TECRL: variants seen among roughly 807,000 people sequenced by gnomAD.
The protein encoded by TECRL is trans-2,3-enoyl-CoA reductase like, also known as trans-2,3-enoyl-CoA reductase-like.
TECRL carries 63 observed loss-of-function variants against 52.8 expected under a neutral mutation model. The ratio of observed to expected loss-of-function variants is 1.19; its 90% CI spans 0.97 to 1.47. The LOEUF is 1.47. Ranked by LOEUF, TECRL falls within the 40% of genes most tolerant of loss-of-function variation. TECRL has a pLI of 0.00. For missense variants in TECRL, 482 were observed against 429.6 expected, an observed-to-expected ratio of 1.12 and a Z score of -1.08; for synonymous variants, 164 against 141.9, an observed-to-expected ratio of 1.16 and a Z score of -1.10.
chr4:64,379,765 G>A (rs1722650505), intron 1 of TECRL, among the ~76,000 whole-genome samples: 1 of 152,104 alleles, frequency 6.6e-6, no homozygotes, highest in South Asian at 2.1e-4. Context: ...TCAATGCCTG[G>A]CGTTTTTCAG....
At chr4:64,300,549 G>T (rs1327111815) in intron 7 of TECRL, among the ~76,000 whole-genome samples, 1 of 150,594 alleles carries the variant, frequency 6.6e-6, no homozygotes, top group African/African-American at 2.4e-5. Context: ...GAGTAATGTA[G>T]AAAACACCAT....
At chr4:64,401,382 C>G (rs1266492262) in intron 1 of TECRL, among the ~76,000 whole-genome samples, 4 of 152,126 alleles carry the variant, frequency 2.6e-5, no homozygotes, top group Non-Finnish European at 5.9e-5. Flanking sequence ...GCTAAACTTT[C>G]TTCCTGGGTT....
At chr4:64,345,924 A>AAAAAAAAAAAC (rs1560516723) in intron 2 of TECRL, among the ~76,000 whole-genome samples, 2 of 145,976 alleles carry the variant, frequency 1.4e-5, no homozygotes, top group African/African-American at 2.5e-5. Flanking sequence ...AAAAAAAAAA[A>AAAAAAAAAAAC]AAAAAAACAT....
intron 6 of TECRL, 119 bp downstream of exon 6, chr4:64,309,707 T>C (rs930780055): frequency 1.8e-5 from 13 of 732,104 alleles, no homozygotes; most frequent in Non-Finnish European, 3.2e-5. Context: ...TGTTTAAGTA[T>C]GCTTATGCAA....
At chr4:64,376,553 C>G (rs1373646771) in intron 1 of TECRL, among the ~76,000 whole-genome samples, 1 of 151,752 alleles carries the variant, frequency 6.6e-6, no homozygotes, top group African/African-American at 2.4e-5. Flanking sequence ...ATTGTTTTAA[C>G]AGTGTCCGTT....
At chr4:64,319,010 AGTCATTCAAT>A (rs1267866073) in intron 4 of TECRL, among the ~76,000 whole-genome samples, 1 of 151,902 alleles carries the variant, frequency 6.6e-6, no homozygotes, top group Non-Finnish European at 1.5e-5. Flanking sequence ...TCAAATGTAA[AGTCATTCAAT>A]GTCATATTCA....
chr4:64,349,694 T>C (rs1433760245), intron 2 of TECRL, among the ~76,000 whole-genome samples: 1 of 152,140 alleles, frequency 6.6e-6, no homozygotes, highest in African/African-American at 2.4e-5. Context: ...AACTATGGAG[T>C]AAGTCTTAGG....
intron 4 of TECRL, among the ~76,000 whole-genome samples, chr4:64,321,924 A>G (rs943102880): frequency 2.0e-5 from 3 of 152,202 alleles, no homozygotes; most frequent in African/African-American, 7.2e-5. Context: ...GTGTCAAAAG[A>G]ATCTGTGATG....
chr4:64,393,532 T>C (rs997570440), intron 1 of TECRL, among the ~76,000 whole-genome samples: 6 of 152,098 alleles, frequency 3.9e-5, no homozygotes, highest in African/African-American at 1.4e-4. Flanking sequence ...GTTGTTTTGA[T>C]TATACTGCCT....
At chr4:64,296,671 A>G (rs1161608807) in intron 8 of TECRL, among the ~76,000 whole-genome samples, 2 of 151,798 alleles carry the variant, frequency 1.3e-5, no homozygotes, top group Non-Finnish European at 3.0e-5. Context: ...GGGTACAAAA[A>G]GATAAAGAAA....
chr4:64,345,749 G>A (rs1352693834), intron 2 of TECRL, among the ~76,000 whole-genome samples: 1 of 151,390 alleles, frequency 6.6e-6, no homozygotes, highest in African/African-American at 2.4e-5. Flanking sequence ...GCAGACCCCA[G>A]TTAAGGTCCT....
intron 2 of TECRL, among the ~76,000 whole-genome samples, chr4:64,335,341 T>C (rs1718986049): frequency 6.6e-6 from 1 of 152,190 alleles, no homozygotes; most frequent in African/African-American, 2.4e-5. Context: ...GCATGCTCCT[T>C]ATGAGAATCT....
chr4:64,335,547 A>G (rs147103868), intron 2 of TECRL, among the ~76,000 whole-genome samples: 1 of 152,168 alleles, frequency 6.6e-6, no homozygotes, highest in Admixed American at 6.5e-5. Context: ...ACCACTCCCT[A>G]CATCCCCTGT....
intron 6 of TECRL, among the ~76,000 whole-genome samples, chr4:64,309,020 A>T (rs893822156): frequency 2.6e-5 from 4 of 152,186 alleles, no homozygotes; most frequent in Non-Finnish European, 5.9e-5. Context: ...ATTGACTGGA[A>T]TGGAAATGGC....
At position 64,405,052 on chromosome 4, in the gene TECRL, G is replaced by T. The variant is rs557384922; in HGVS notation, c.234+4066C>A. ...ATATTTTTGTGCTTATATACTAAGGGTAGGCCAAATAATGAACTAAAGAAA... is the reference window on the plus strand; with the variant it reads ...ATATTTTTGTGCTTATATACTAAGGTTAGGCCAAATAATGAACTAAAGAAA... On this transcript the variant is annotated intron_variant, in intron 1 of 11. Transcript: ENST00000381210. Among the ~76,000 whole-genome samples the T allele has an allele frequency of 2.6e-5, 4 of 152,124 alleles. No individual in the cohort carries two copies. In the East Asian group the frequency reaches 7.7e-4, roughly 29 times the overall value.
intron 1 of TECRL, among the ~76,000 whole-genome samples, chr4:64,387,513 T>C (rs1723261008): frequency 6.6e-6 from 1 of 152,158 alleles, no homozygotes; most frequent in South Asian, 2.1e-4. Context: ...CTTTACCATT[T>C]TGCATTCCTA....
At chr4:64,328,428 C>A in intron 3 of TECRL, 84 bp downstream of exon 3, 1 of 1,173,780 alleles carries the variant, frequency 8.5e-7, no homozygotes, top group Non-Finnish European at 1.2e-6. Context: ...TGTATATTTG[C>A]AAAGTGATAA....
intron 1 of TECRL, among the ~76,000 whole-genome samples, chr4:64,381,291 G>A (rs1228324711): frequency 6.6e-6 from 1 of 151,216 alleles, no homozygotes; most frequent in African/African-American, 2.4e-5. Context: ...TATTTTTGGT[G>A]GTGTTTTCAT....
chr4:64,324,186 G>C (rs1718096727), intron 3 of TECRL, among the ~76,000 whole-genome samples: 1 of 151,988 alleles, frequency 6.6e-6, no homozygotes, highest in Non-Finnish European at 1.5e-5. Flanking sequence ...GACAAGTCTG[G>C]AATGTGTATA....
Sources: allele counts gnomAD v4.1 joint callset (sites outside exome capture counted in the v4.1 genomes callset), GRCh38; gene constraint gnomAD v4.1.1; transcripts MANE v1.5; gene names NCBI Gene and HGNC (gene_info 2026-07-23, HGNC 2026-07-21).